LONRF1: variants seen among roughly 807,000 people sequenced by gnomAD.
The protein encoded by LONRF1 is LON peptidase N-terminal domain and ring finger 1, also known as LON peptidase N-terminal domain and RING finger protein 1.
LONRF1 carries 37 observed loss-of-function variants against 85.8 expected under a neutral mutation model. That is an observed-to-expected ratio of 0.43 (90% CI 0.33 to 0.57). The LOEUF is 0.57. Among genes scored for constraint, LONRF1 ranks in the 20% least tolerant of loss-of-function variants. The pLI, the probability that LONRF1 is intolerant of heterozygous loss-of-function variation, is 0.04. For synonymous variants in LONRF1, 517 were observed against 390.1 expected, an observed-to-expected ratio of 1.33 and a Z score of -3.83; for missense variants, 1,036 against 978.0, an observed-to-expected ratio of 1.06 and a Z score of -0.79.
chr8:12,733,147 C>G (rs1396060149), intron 7 of LONRF1, among the ~76,000 whole-genome samples: 1 of 152,036 alleles, frequency 6.6e-6, no homozygotes, highest in Non-Finnish European at 1.5e-5. Flanking sequence ...GTCAGGGGAG[C>G]ATGGGGAGAG....
chr8:12,735,813 G>C (rs558140300), intron 6 of LONRF1, among the ~76,000 whole-genome samples: 3 of 152,280 alleles, frequency 2.0e-5, no homozygotes, highest in African/African-American at 7.2e-5. Flanking sequence ...ATAGCCTTTA[G>C]ATTCCCATTT....
rs1376478200 is a variant in LONRF1, at chr8:12,722,977, G to T, written c.*119C>A. 2 of 1,011,110 alleles carry T rather than the reference G, an allele frequency of 2.0e-6. No homozygotes were observed. Among genetic ancestry groups the T allele is most frequent in the African/African-American group, 1.6e-5 (1 of 61,986 alleles). The allele number at this position is 1,011,110 out of a possible 1,614,324, so 62.6% of individuals were successfully genotyped here. A position where few individuals can be genotyped will look rare whatever the true frequency, so the allele number is the denominator to read the frequency against. ...AACCACATGATTCAGGAGGTCGAAG[G>T]AAAAAGAAAAGTTTCATTAAATTTC... On this transcript the variant is annotated 3_prime_UTR_variant, in exon 12 of 12. Transcript: ENST00000398246.
At position 12,737,150 on chromosome 8, in the gene LONRF1, T is replaced by C. The variant is rs142406435; in HGVS notation, c.1114-10A>G. The C allele has an allele frequency of 1.8e-3, 2,831 of 1,608,114 alleles. 54 individuals are homozygous for C. The Admixed American group carries it at 0.035, about 20-fold the overall frequency. On this transcript the variant is annotated splice_polypyrimidine_tract_variant and intron_variant, in intron 4 of 11. Transcript: ENST00000398246. ...CTGGTATTTCTTCACTCTACAAAAA[T>C]ACAATAAACAAAGGTAACTGTATTT...
At position 12,743,651 on chromosome 8, in the gene LONRF1, T is replaced by A. The variant is rs145464013; in HGVS notation, c.722-369A>T. ...AGATTTGCCTTTTTATAGTAAATCTTATATTTTTACCCTACTTTCTAAATC... is the reference window on the plus strand; with the variant it reads ...AGATTTGCCTTTTTATAGTAAATCTAATATTTTTACCCTACTTTCTAAATC... On this transcript the variant is annotated intron_variant, in intron 1 of 11. Coordinates refer to ENST00000398246, the MANE Select transcript of LONRF1 (RefSeq NM_152271.5). Among the ~76,000 whole-genome samples the A allele has an allele frequency of 1.1e-3, 161 of 152,286 alleles. 1 individual carries two copies. The highest frequency in any genetic ancestry group is 8.7e-3 in the Admixed American group (133 of 15,302).
intron 1 of LONRF1, among the ~76,000 whole-genome samples, chr8:12,749,830 C>A (rs756267279): frequency 6.6e-6 from 1 of 152,050 alleles, no homozygotes; most frequent in African/African-American, 2.4e-5. Flanking sequence ...AAGCAGTAAA[C>A]CCCATTTTCT....
chr8:12,752,601 T>C (rs902261069), intron 1 of LONRF1, among the ~76,000 whole-genome samples: 5 of 152,158 alleles, frequency 3.3e-5, no homozygotes, highest in Admixed American at 6.5e-5. Context: ...TCATGTGCAA[T>C]CTATGCAACT....
rs1209199108 is a variant in LONRF1 at position 12,722,836 on chromosome 8, T to TA, written c.*259dup. 3.2e-6 allele frequency: 1 copy of TA among 313,858 alleles called. No individual in the cohort carries two copies. Among genetic ancestry groups the TA allele is most frequent in the African/African-American group, 2.1e-5 (1 of 47,270 alleles). 19.4% of individuals were successfully genotyped at this position (313,858 alleles called of 1,614,324 possible). ...GACATAAAGAGTTCTTATTTCATTT[T>TA]AGAGTATGGTACATAGTGCAACTTC... On this transcript the variant is annotated 3_prime_UTR_variant, in exon 12 of 12. Transcript: ENST00000398246.
intron 1 of LONRF1, among the ~76,000 whole-genome samples, chr8:12,751,205 T>A (rs1272888743): frequency 1.3e-5 from 2 of 151,632 alleles, no homozygotes; most frequent in Middle Eastern, 3.2e-3. Flanking sequence ...ATTACAGTAC[T>A]CCATAGAATT....
chr8:12,751,296 GTTTTTTTTT>G (rs869038024), intron 1 of LONRF1, among the ~76,000 whole-genome samples: 5 of 69,558 alleles, frequency 7.2e-5, no homozygotes, highest in African/African-American at 1.5e-4. Flanking sequence ...TTATTTTTAT[GTTTTTTTTT>G]TTTTTTTTTT....
At chr8:12,730,318 A>C (rs1261992088) in intron 8 of LONRF1, among the ~76,000 whole-genome samples, 2 of 152,222 alleles carry the variant, frequency 1.3e-5, no homozygotes, top group Admixed American at 6.5e-5. Flanking sequence ...TACATACTAC[A>C]TTCAAGTTTG....
intron 7 of LONRF1, among the ~76,000 whole-genome samples, chr8:12,732,466 C>A (rs1341829305): frequency 6.6e-6 from 1 of 152,134 alleles, no homozygotes; most frequent in Admixed American, 6.5e-5. Flanking sequence ...CCTGTATGAT[C>A]CATCTACCCC....
chr8:12,740,880 T>A lies in LONRF1; in HGVS notation c.957A>T (p.Val319=). The A allele has an allele frequency of 6.2e-7, 1 of 1,613,352 alleles. No homozygotes were observed. Among genetic ancestry groups the A allele is most frequent in the Non-Finnish European group, 8.5e-7 (1 of 1,179,502 alleles). ...TTGTTGGTAAACTGATTACCTTTTG[T>A]ACTTGCAGCTTTGCAGGTGCAAAAT... ...DEDFAPAKLQ[V]QKILCDLLLP... Residue 319 remains valine, a synonymous_variant, in exon 3 of 12, where the codon GTA becomes GTT. Transcript: ENST00000398246.
At chr8:12,723,310 G>A (rs775629080) in intron 11 of LONRF1, 56 bp from the exon 12 acceptor site, 1 of 1,510,668 alleles carries the variant, frequency 6.6e-7, no homozygotes, top group Non-Finnish European at 8.9e-7. Flanking sequence ...TGTAACAACA[G>A]TAGCAAACCA....
rs1222870669 is a variant in LONRF1, at chr8:12,730,994, T to C, written c.1688+742A>G. 6.6e-5 allele frequency among the ~76,000 whole-genome samples: 10 copies of C among 151,572 alleles called. No homozygotes were observed. In the East Asian group the frequency reaches 1.2e-3, roughly 18 times the overall value. On this transcript the variant is annotated intron_variant, in intron 8 of 11. Transcript: ENST00000398246. Reference sequence around the variant, plus strand: ...TTCAATTAAAAGAGAGTAAAAGAAATAAAGAAATTAAAAACCCGTTAATAA... The same window carrying C: ...TTCAATTAAAAGAGAGTAAAAGAAACAAAGAAATTAAAAACCCGTTAATAA...
At chr8:12,727,204 T>A (rs1343098267) in intron 10 of LONRF1, 13 of 147,116 alleles carry the variant, frequency 8.8e-5, no homozygotes, top group African/African-American at 3.3e-4. Context: ...AAACAAGGAA[T>A]GATAACAATT....
chr8:12,733,112 A>G (rs7461006), intron 7 of LONRF1, among the ~76,000 whole-genome samples: 91,418 of 152,016 alleles, frequency 0.6, 29,063 homozygotes, highest in Admixed American at 0.69. Flanking sequence ...GTTTCTAACA[A>G]GTTGTCAGGT....
chr8:12,755,502 G>A lies in LONRF1; in HGVS notation c.-82C>T. On this transcript the variant is annotated 5_prime_UTR_variant, in exon 1 of 12. Transcript: ENST00000398246. ...GCGCGCGGCTCCGCACGCGGCCCGC[G>A]AGCAGGGGGGCGTGGCGCGCGGACA... The A allele has an allele frequency of 4.4e-6, 3 of 688,420 alleles. No homozygotes were observed. The highest frequency in any genetic ancestry group is 1.8e-6 in the Non-Finnish European group (1 of 556,566). 42.6% of individuals were successfully genotyped at this position (688,420 alleles called of 1,614,324 possible). A position where few individuals can be genotyped will look rare whatever the true frequency, so the allele number is the denominator to read the frequency against.
chr8:12,738,613 A>C (rs1798812282), intron 3 of LONRF1: 1 of 152,428 alleles, frequency 6.6e-6, no homozygotes, highest in African/African-American at 2.4e-5. Flanking sequence ...ACTCAATTTA[A>C]TTTCTCACTG....
chr8:12,726,364 C>G (rs926799345), intron 10 of LONRF1, among the ~76,000 whole-genome samples: 1 of 152,158 alleles, frequency 6.6e-6, no homozygotes, highest in Non-Finnish European at 1.5e-5. Context: ...TACTAGGGAA[C>G]TGGGTCAAAA....
Sources: gnomAD v4.1 joint callset for allele counts (sites outside exome capture counted in the v4.1 genomes callset) on GRCh38, gnomAD v4.1.1 for gene constraint, MANE v1.5 for transcripts, NCBI Gene and HGNC (gene_info 2026-07-23, HGNC 2026-07-21) for gene names.